The following DRICH1 variants were observed in gnomAD, a reference collection of about 807,000 sequenced individuals.
DRICH1 encodes the protein aspartate rich 1.
A neutral mutation model predicts 39.5 loss-of-function variants in DRICH1; 38 were observed. The observed-to-expected ratio is 0.96, with a 90% confidence interval of 0.74 to 1.26. The LOEUF is 1.26. Ranked by LOEUF, DRICH1 falls within the 50% of genes most tolerant of loss-of-function variation. DRICH1 has a pLI of 0.00. For synonymous variants in DRICH1, 84 were observed against 99.5 expected, an observed-to-expected ratio of 0.84 and a Z score of 0.93; for missense variants, 279 against 270.4, an observed-to-expected ratio of 1.03 and a Z score of -0.22.
downstream of DRICH1, among the ~76,000 whole-genome samples, chr22:23,607,774 C>G (rs772030973): frequency 1.3e-5 from 2 of 152,168 alleles, no homozygotes; most frequent in African/African-American, 4.8e-5. Flanking sequence ...GAAAATGCAG[C>G]CTCCCCAGCC....
rs775997324 is a variant in DRICH1 at position 23,614,167 on chromosome 22, C to T, written c.589G>A (p.Asp197Asn). ...TCATCATCATCTTCTTCTTCTTCAT[C>T]TTTGTGTCTCAGTGAGCATCTTAAA... Reference protein sequence around the residue: ...LFLRCSLRHKDEEEEDDDDIH... With the variant: ...LFLRCSLRHKNEEEEDDDDIH... The change falls in exon 9 of 12, where the codon GAT (aspartate) becomes AAT (asparagine). Residue 197 changes from aspartate (D) to asparagine (N), a missense_variant. Coordinates refer to ENST00000317749, the MANE Select transcript of DRICH1 (RefSeq NM_016449.4). The T allele has an allele frequency of 1.2e-6, 2 of 1,613,946 alleles. No homozygotes were observed. The highest frequency in any genetic ancestry group is 1.7e-6 in the Non-Finnish European group (2 of 1,179,802).
At chr22:23,583,493 C>T in the DRICH1 span, 1 of 152,164 alleles carries the variant, frequency 6.6e-6, no homozygotes, top group African/African-American at 2.4e-5. Context: ...AACAGACAGA[C>T]AGAGAGACAA....
At chr22:23,582,489 A>G in the DRICH1 span, among the ~76,000 whole-genome samples, 1 of 151,550 alleles carries the variant, frequency 6.6e-6, no homozygotes, top group African/African-American at 2.4e-5. Flanking sequence ...ATGGGACCAT[A>G]CACTACTTGT....
chr22:23,617,971 T>G (rs755164951), intron 6 of DRICH1, among the ~76,000 whole-genome samples: 1 of 152,184 alleles, frequency 6.6e-6, no homozygotes, highest in Non-Finnish European at 1.5e-5. Flanking sequence ...ATTTTCTTAA[T>G]GTATTCAAGA....
the DRICH1 span, among the ~76,000 whole-genome samples, chr22:23,598,466 GAAGGGAGTCAAACTGCCCGAGGTC>G: frequency 6.6e-6 from 1 of 152,250 alleles, no homozygotes; most frequent in Non-Finnish European, 1.5e-5. Flanking sequence ...GAGGCCCACT[GAAGGGAGTCAAACTGCCCGAGGTC>G]AAGGGCTGCT....
chr22:23,598,682 A>ACTCTG, the DRICH1 span, among the ~76,000 whole-genome samples: 1 of 152,042 alleles, frequency 6.6e-6, no homozygotes, highest in Non-Finnish European at 1.5e-5. Context: ...ACTCGGCCTT[A>ACTCTG]CTCTGCTCTG....
At chr22:23,581,238 C>A in the DRICH1 span, 26,122 of 152,110 alleles carry the variant, frequency 0.17, 3,789 homozygotes, top group East Asian at 0.42. Context: ...TCCTCCTGAG[C>A]GGTGAGTGCA....
intron 11 of DRICH1, among the ~76,000 whole-genome samples, chr22:23,611,426 T>C (rs562124663): frequency 6.6e-6 from 1 of 151,414 alleles, no homozygotes; most frequent in African/African-American, 2.4e-5. Flanking sequence ...AATCTCGTTC[T>C]ATCACCCAGG....
chr22:23,586,577 CTT>C, the DRICH1 span, among the ~76,000 whole-genome samples: 1 of 152,152 alleles, frequency 6.6e-6, no homozygotes, highest in East Asian at 1.9e-4. Context: ...GAGTTTCACT[CTT>C]GTCACCCAGG....
the DRICH1 span, among the ~76,000 whole-genome samples, chr22:23,585,697 T>C: frequency 6.6e-6 from 1 of 152,122 alleles, no homozygotes; most frequent in Non-Finnish European, 1.5e-5. Context: ...TCTCTTTTAT[T>C]TTTATAAAGA....
chr22:23,588,206 A>C, the DRICH1 span, among the ~76,000 whole-genome samples: 1 of 152,172 alleles, frequency 6.6e-6, no homozygotes, highest in Admixed American at 6.5e-5. Flanking sequence ...AGCTCACTGC[A>C]ACCTCCGCCT....
the DRICH1 span, among the ~76,000 whole-genome samples, chr22:23,592,877 C>CAA: frequency 3.2e-4 from 42 of 130,180 alleles, no homozygotes; most frequent in South Asian, 2.5e-3. Context: ...CACACACACA[C>CAA]ACAAAATTAG....
chr22:23,614,107 G>A (rs750207560), intron 9 of DRICH1, 28 bp downstream of exon 9: 4 of 1,483,150 alleles, frequency 2.7e-6, no homozygotes, highest in Non-Finnish European at 2.8e-6. Flanking sequence ...CAACATTGCT[G>A]TAGAAGACAA....
the DRICH1 span, among the ~76,000 whole-genome samples, chr22:23,600,383 C>T: frequency 5.8e-4 from 88 of 152,312 alleles, no homozygotes; most frequent in South Asian, 6.2e-3. Context: ...CTACAGTTGG[C>T]CATAGCTCTG....
At chr22:23,626,778 C>T (rs887764330) in intron 1 of DRICH1, among the ~76,000 whole-genome samples, 25 of 152,176 alleles carry the variant, frequency 1.6e-4, no homozygotes, top group Non-Finnish European at 7.3e-5. Context: ...TCAGAGGTCT[C>T]TAAAAAGGCA....
In DRICH1 at chr22:23,617,661, G is replaced by C. The variant is rs769632460; in HGVS notation, c.437-4C>G. Reference sequence around the variant, plus strand: ...CTCAGGTTGTCCTCAGAAGAACCTGGAAGCACACAGAGGAAAGATCCGTGC... The same window carrying C: ...CTCAGGTTGTCCTCAGAAGAACCTGCAAGCACACAGAGGAAAGATCCGTGC... On this transcript the variant is annotated splice_polypyrimidine_tract_variant and splice_region_variant and intron_variant, in intron 6 of 11. Coordinates refer to ENST00000317749, the MANE Select transcript of DRICH1 (RefSeq NM_016449.4). 1 of 1,613,806 alleles carries C rather than the reference G, an allele frequency of 6.2e-7. No homozygotes were observed. The highest frequency in any genetic ancestry group is 8.5e-7 in the Non-Finnish European group (1 of 1,179,770).
intron 11 of DRICH1, among the ~76,000 whole-genome samples, chr22:23,609,500 G>A (rs531276014): frequency 1.8e-4 from 27 of 152,230 alleles, no homozygotes; most frequent in Admixed American, 9.8e-4. Flanking sequence ...CTGGGGTCTT[G>A]TGCCCAGGAG....
chr22:23,617,044 A>C (rs1472020590), intron 7 of DRICH1, among the ~76,000 whole-genome samples, 170 bp from the exon 8 acceptor site: 2 of 152,196 alleles, frequency 1.3e-5, no homozygotes, highest in African/African-American at 2.4e-5. Flanking sequence ...AAAAGACAAG[A>C]GCTTTTCCCA....
rs753489168 is a variant in DRICH1 at position 23,620,601 on chromosome 22, A to C, written c.399T>G (p.Arg133=). 58 of 1,613,934 alleles carry C rather than the reference A, an allele frequency of 3.6e-5. No homozygotes were observed. In the East Asian group the frequency reaches 1.2e-3, roughly 34 times the overall value. ...TTAGTTCAAGGTACATACCCTGGAC[A>C]CGTGACGGTAAAATCTGCAACGAGA... The part of the protein sequence containing the change: ...DDDDAQILPS[R]VQGGCYRFDS... The change falls in exon 5 of 12, where the codon CGT becomes CGG. Residue 133 remains arginine (R), a synonymous_variant. Transcript: ENST00000317749.
Sources: gnomAD v4.1 joint callset for allele counts (sites outside exome capture counted in the v4.1 genomes callset) on GRCh38, gnomAD v4.1.1 for gene constraint, MANE v1.5 for transcripts, NCBI Gene and HGNC (gene_info 2026-07-23, HGNC 2026-07-21) for gene names.